Variants in COL20A1 observed in about 807,000 individuals in gnomAD.
COL20A1 encodes collagen type XX alpha 1 chain, also known as collagen alpha-1(XX) chain.
COL20A1 carries 164 observed loss-of-function variants against 152.9 expected under a neutral mutation model. That is an observed-to-expected ratio of 1.07 (90% CI 0.94 to 1.22). The LOEUF (loss-of-function observed/expected upper bound fraction) is 1.22, where lower values mean the gene tolerates loss of function less well. Among genes scored for constraint, COL20A1 ranks in the 50% most tolerant of loss-of-function variants. The pLI is 0.00. For synonymous variants in COL20A1, 864 were observed against 756.0 expected, an observed-to-expected ratio of 1.14 and a Z score of -2.34; for missense variants, 1,873 against 1,744.8, an observed-to-expected ratio of 1.07 and a Z score of -1.31.
chr20:63,294,672 C>A (rs1331435053), intron 1 of COL20A1, among the ~76,000 whole-genome samples: 1 of 152,182 alleles, frequency 6.6e-6, no homozygotes, highest in Non-Finnish European at 1.5e-5. Context: ...AGGGACTCCA[C>A]ATGTCCAGCA....
intron 3 of COL20A1, among the ~76,000 whole-genome samples, chr20:63,302,072 C>T (rs1233549234): frequency 2.6e-5 from 4 of 152,134 alleles, no homozygotes; most frequent in African/African-American, 7.2e-5. Context: ...CATGATGCAG[C>T]TTTCAGCAAT....
At position 63,308,076 on chromosome 20, in the gene COL20A1, G is replaced by T; in HGVS notation, c.761G>T (p.Gly254Val). ...AAVRRLRYKG[G>V]NTFTGLALTH... ...GTGCGCCGCCTCCGCTACAAGGGGG[G>T]GAACACGTTCACAGGTACGGCCCAG... The change falls in exon 7 of 36, where the codon GGG (glycine) becomes GTG (valine). Residue 254 changes from glycine to valine, a missense_variant. Coordinates refer to ENST00000358894, the MANE Select transcript of COL20A1 (RefSeq NM_020882.4). 1 of 1,610,708 alleles carries T rather than the reference G, an allele frequency of 6.2e-7. No individual in the cohort carries two copies. Among genetic ancestry groups the T allele is most frequent in the Non-Finnish European group, 8.5e-7 (1 of 1,179,762 alleles).
chr20:63,295,970 CAGCTCCCCCTTCTACTGTGCGTTTAA>C (rs1568760716), intron 2 of COL20A1, among the ~76,000 whole-genome samples: 1 of 152,274 alleles, frequency 6.6e-6, no homozygotes, highest in Non-Finnish European at 1.5e-5. Context: ...GGGTGAAAGG[CAGCTCCCCCTTCTACTGTGCGTTTAA>C]AGCACCCCCA....
Position 63,311,756 on chromosome 20 carries a change from C to A in COL20A1, c.1663+8C>A. On this transcript the variant is annotated splice_region_variant and intron_variant, in intron 13 of 35. Transcript: ENST00000358894. The surrounding 1 kb of genome is among the most constrained non-coding windows in gnomAD (Gnocchi z 4.4). ...GCATCCGTGCCAGGACCCGTGAGTGCTCCAACCCCGGCTGCCTGCCCACAG... is the reference window on the plus strand; with the variant it reads ...GCATCCGTGCCAGGACCCGTGAGTGATCCAACCCCGGCTGCCTGCCCACAG... 1.3e-6 allele frequency: 2 copies of A among 1,587,048 alleles called. No individual in the cohort carries two copies. Among genetic ancestry groups the A allele is most frequent in the Non-Finnish European group, 8.5e-7 (1 of 1,172,508 alleles).
At chr20:63,314,369 C>T (rs2068057349) in intron 19 of COL20A1, among the ~76,000 whole-genome samples, 168 bp downstream of exon 19, 1 of 152,188 alleles carries the variant, frequency 6.6e-6, no homozygotes, top group Non-Finnish European at 1.5e-5. Context: ...CTGGAGATGA[C>T]TGGTTCCAGG....
chr20:63,321,376 G>C (rs2123425153), intron 26 of COL20A1, among the ~76,000 whole-genome samples: 1 of 152,326 alleles, frequency 6.6e-6, no homozygotes, highest in Non-Finnish European at 1.5e-5. Flanking sequence ...GTTGGGAAGG[G>C]GGGCCAGGCG....
chr20:63,326,317 A>G (rs1166720561), intron 30 of COL20A1, among the ~76,000 whole-genome samples, 168 bp downstream of exon 30: 1 of 152,126 alleles, frequency 6.6e-6, no homozygotes, highest in Non-Finnish European at 1.5e-5. Context: ...TGGGTGGGTG[A>G]GCGTCTGCCC....
At position 63,325,564 on chromosome 20, in the gene COL20A1, G is replaced by A. The variant is rs955138397; in HGVS notation, c.3348+70G>A. ...GGGGAAGGACAGGGATGGAGATGGG[G>A]AGTGCCTGGGGGGCACAGGGGTTGG... On this transcript the variant is annotated intron_variant, in intron 28 of 35. Coordinates refer to ENST00000358894, the MANE Select transcript of COL20A1 (RefSeq NM_020882.4). 21 of 1,545,016 alleles carry A rather than the reference G, an allele frequency of 1.4e-5. No individual in the cohort carries two copies. The African/African-American group carries it at 2.6e-4, about 19-fold the overall frequency.
At position 63,297,948 on chromosome 20, in the gene COL20A1, C is replaced by T. The variant is rs376288950; in HGVS notation, c.121C>T (p.Arg41Trp). The T allele has an allele frequency of 1.1e-5, 17 of 1,613,302 alleles. No homozygotes were observed. Among genetic ancestry groups the T allele is most frequent in the South Asian group, 2.2e-5 (2 of 91,084 alleles). ...LLRLAVLPEDRLQMKWRESEG... is the reference protein window; with the variant it reads ...LLRLAVLPEDWLQMKWRESEG... The stretch of plus-strand genomic sequence containing the variant: ...GAGGCTGGCTGTGCTGCCTGAGGAC[C>T]GGCTGCAGATGAAGTGGAGAGAGTC... Residue 41 changes from arginine (R) to tryptophan (W), a missense_variant, in exon 3 of 36, where the codon CGG becomes TGG. Transcript: ENST00000358894.
chr20:63,309,184 G>A (rs937058600), intron 8 of COL20A1, 149 bp from the exon 9 acceptor site: 24 of 537,334 alleles, frequency 4.5e-5, no homozygotes, highest in African/African-American at 1.6e-4. Flanking sequence ...CCTCGGGAGC[G>A]CCTGGCCCAG....
chr20:63,316,487 CCCTT>C, intron 20 of COL20A1, 62 bp from the exon 21 acceptor site: 1 of 1,445,270 alleles, frequency 6.9e-7, no homozygotes. Context: ...CCGCTCCTGC[CCCTT>C]CCTCCCTCCC....
At chr20:63,323,921 G>A (rs900110710) in intron 27 of COL20A1, among the ~76,000 whole-genome samples, 3 of 152,114 alleles carry the variant, frequency 2.0e-5, no homozygotes, top group African/African-American at 4.8e-5. Flanking sequence ...AACTGCATTC[G>A]CTTTATAGAT....
intron 21 of COL20A1, among the ~76,000 whole-genome samples, chr20:63,317,241 G>A (rs917162494): frequency 1.3e-5 from 2 of 152,126 alleles, no homozygotes; most frequent in African/African-American, 4.8e-5. Flanking sequence ...CAGCTACTGG[G>A]GAGGCTAAGT....
At position 63,312,496 on chromosome 20, in the gene COL20A1, C is replaced by T. The variant is rs1351189007; in HGVS notation, c.1880C>T (p.Thr627Ile). ...SSSTTYTVRV[T>I]CLYPGGGSST... ...TCCACCACCTACACTGTCCGTGTCA[C>T]CTGCCTCTACCCTGGGGGTGGCTCC... The change falls in exon 15 of 36, where the codon ACC becomes ATC. Residue 627 changes from threonine to isoleucine, a missense_variant. Transcript: ENST00000358894. 1.2e-6 allele frequency: 2 copies of T among 1,608,664 alleles called. No individual in the cohort carries two copies. Among genetic ancestry groups the T allele is most frequent in the East Asian group, 4.5e-5 (2 of 44,830 alleles).
At chr20:63,326,253 C>A in intron 30 of COL20A1, 104 bp downstream of exon 30, 1 of 895,392 alleles carries the variant, frequency 1.1e-6, no homozygotes. Flanking sequence ...CTAGGTTACC[C>A]CAGGAAGTGC....
intron 9 of COL20A1, 55 bp downstream of exon 9, chr20:63,309,552 A>G: frequency 7.0e-7 from 1 of 1,421,682 alleles, no homozygotes; most frequent in Non-Finnish European, 9.2e-7. Context: ...CTTTGGGCAA[A>G]GGGTTGGGGG....
At position 63,313,399 on chromosome 20, in the gene COL20A1, G is replaced by C. The variant is rs1601422628; in HGVS notation, c.2209+150G>C. ...TCACTGGGCCTGGTCGTTGGAGTCT[G>C]CAGCACTTCCTTGAGCTCACACGGG... is the stretch of plus-strand genomic sequence containing the variant. On this transcript the variant is annotated intron_variant, in intron 17 of 35. Transcript: ENST00000358894. This position sits in a 1 kb window ranked among gnomAD's most constrained non-coding sequence, Gnocchi z 5.9. The C allele has an allele frequency of 1.1e-6, 1 of 896,524 alleles. No individual in the cohort carries two copies. The highest frequency in any genetic ancestry group is 2.7e-5 in the East Asian group (1 of 37,468). The allele number at this position is 896,524 out of a possible 1,614,324, so 55.5% of individuals were successfully genotyped here.
Position 63,329,666 on chromosome 20 carries a change from G to C in COL20A1, c.*3+5G>C. The C allele has an allele frequency of 6.4e-7, 1 of 1,566,278 alleles. No individual in the cohort carries two copies. The highest frequency in any genetic ancestry group is 1.2e-5 in the South Asian group (1 of 85,724). Reference sequence around the variant, plus strand: ...CAGGGCCTCTGGGAGTGACAGGTGAGCCCCTGCTGCCTGCATCTATCTGCC... The same window carrying C: ...CAGGGCCTCTGGGAGTGACAGGTGACCCCCTGCTGCCTGCATCTATCTGCC... On this transcript the variant is annotated splice_donor_5th_base_variant and intron_variant, in intron 35 of 35. Transcript: ENST00000358894.
chr20:63,313,320 G>A lies in COL20A1; in HGVS notation c.2209+71G>A, dbSNP rs1054471225. On this transcript the variant is annotated intron_variant, in intron 17 of 35. Transcript: ENST00000358894. This position sits in a 1 kb window ranked among gnomAD's most constrained non-coding sequence, Gnocchi z 5.9. ...GGCCCAGGGGATCCCTGACTCACCCGCTGCACAGGCCCAGGACCCTAGACT... is the reference window on the plus strand; with the variant it reads ...GGCCCAGGGGATCCCTGACTCACCCACTGCACAGGCCCAGGACCCTAGACT... 1.4e-5 allele frequency: 21 copies of A among 1,497,750 alleles called. No homozygotes were observed. The highest frequency in any genetic ancestry group is 2.3e-5 in the East Asian group (1 of 43,232). The allele number at this position is 1,497,750 out of a possible 1,614,324, so 92.8% of individuals were successfully genotyped here.
Sources: allele counts gnomAD v4.1 joint callset (sites outside exome capture counted in the v4.1 genomes callset), GRCh38; gene constraint gnomAD v4.1.1; non-coding constraint Gnocchi (gnomAD v3.1); transcripts MANE v1.5; gene names NCBI Gene and HGNC (gene_info 2026-07-23, HGNC 2026-07-21).